Variants in ABCB1 observed in about 807,000 individuals in gnomAD.
The protein encoded by ABCB1 is ATP binding cassette subfamily B member 1.
Under a neutral mutation model 142.0 loss-of-function variants are expected in ABCB1, and 69 were observed. That is an observed-to-expected ratio of 0.49 (90% CI 0.40 to 0.59). ABCB1 has a LOEUF of 0.59. Among genes scored for constraint, ABCB1 ranks in the 20% least tolerant of loss-of-function variants. The pLI is 0.00. For synonymous variants in ABCB1, 532 were observed against 539.2 expected (o/e 0.99, Z 0.18); for missense variants, 1,326 against 1,554.7 (o/e 0.85, Z 2.47).
At chr7:87,672,909 C>T (rs1167528786) in intron 1 of ABCB1, among the ~76,000 whole-genome samples, 2 of 152,104 alleles carry the variant, frequency 1.3e-5, no homozygotes, top group Non-Finnish European at 2.9e-5. Context: ...AATGTGAGTA[C>T]CTGGATGTTT....
At chr7:87,528,390 C>T (rs2373585) in intron 21 of ABCB1, among the ~76,000 whole-genome samples, 14,754 of 151,958 alleles carry the variant, frequency 0.097, 1,227 homozygotes, top group East Asian at 0.38. Context: ...ATATTTTATG[C>T]ATTTATAACA....
At chr7:87,626,241 T>C (rs564660227) in intron 1 of ABCB1, among the ~76,000 whole-genome samples, 3 of 58,500 alleles carry the variant, frequency 5.1e-5, no homozygotes, top group African/African-American at 1.3e-4. Flanking sequence ...ATATGTGTCA[T>C]ATATATGTCA....
Position 87,550,472 on chromosome 7 carries a change from A to T in ABCB1, c.1220T>A (p.Val407Asp), listed in dbSNP as rs777898226. 1 of 1,612,092 alleles carries T rather than the reference A, an allele frequency of 6.2e-7. No individual in the cohort carries two copies. The highest frequency in any genetic ancestry group is 1.3e-5 in the African/African-American group (1 of 74,900). Reference protein sequence around the residue: ...VHFSYPSRKEVKILKGLNLKV... With the variant: ...VHFSYPSRKEDKILKGLNLKV... ...ATTAATCATTTATCACTGTACCTTAACTTCTTTTCGAGATGGGTAACTGAA... is the reference window on the plus strand; with the variant it reads ...ATTAATCATTTATCACTGTACCTTATCTTCTTTTCGAGATGGGTAACTGAA... Residue 407 changes from valine to aspartate, a missense_variant, in exon 11 of 28, where the codon GTT becomes GAT. Coordinates refer to ENST00000622132, the MANE Select transcript of ABCB1 (RefSeq NM_001348946.2).
Position 87,521,887 on chromosome 7 carries a change from G to A in ABCB1, c.2686-1011C>T, listed in dbSNP as rs1055266497. The A allele has an allele frequency of 2.8e-5, 22 of 772,836 alleles. No homozygotes were observed. The African/African-American group carries it at 3.4e-4, about 12-fold the overall frequency. The allele number at this position is 772,836 out of a possible 1,614,324, so 47.9% of individuals were successfully genotyped here. ...TGAAATCATGACTGACCAAGGCAGT[G>A]ATAAGAAAAGGGGCTTTGCTTTAGT... is the stretch of plus-strand genomic sequence containing the variant. On this transcript the variant is annotated intron_variant, in intron 21 of 27. Coordinates refer to ENST00000622132, the MANE Select transcript of ABCB1 (RefSeq NM_001348946.2).
chr7:87,544,090 G>A, intron 17 of ABCB1, 39 bp downstream of exon 17: 2 of 1,610,626 alleles, frequency 1.2e-6, no homozygotes, highest in Non-Finnish European at 8.5e-7. Flanking sequence ...CTTCCATCAG[G>A]ATTCACAAGT....
At chr7:87,609,807 C>G (rs764982170) in intron 1 of ABCB1, among the ~76,000 whole-genome samples, 7 of 151,760 alleles carry the variant, frequency 4.6e-5, no homozygotes, top group Non-Finnish European at 1.0e-4. Flanking sequence ...GTATCAGATA[C>G]CAAAGCTGGC....
chr7:87,704,780 T>C (rs1299824795), intron 1 of ABCB1, among the ~76,000 whole-genome samples: 1 of 152,212 alleles, frequency 6.6e-6, no homozygotes, highest in Non-Finnish European at 1.5e-5. Flanking sequence ...GAAGAGTCTG[T>C]GGAGAAAGAT....
chr7:87,525,220 T>C (rs2117111937), intron 21 of ABCB1, among the ~76,000 whole-genome samples: 1 of 152,286 alleles, frequency 6.6e-6, no homozygotes, highest in East Asian at 1.9e-4. Flanking sequence ...ACAAATAGCA[T>C]CGAGTTTCCC....
upstream of ABCB1, among the ~76,000 whole-genome samples, chr7:87,602,209 G>A (rs1368684500): frequency 1.2e-4 from 18 of 151,274 alleles, no homozygotes; most frequent in Non-Finnish European, 8.8e-5. Context: ...TAGCCAGGAT[G>A]GTCTTGATCT....
At chr7:87,539,640 A>G (rs1421910843) in intron 18 of ABCB1, among the ~76,000 whole-genome samples, 1 of 152,202 alleles carries the variant, frequency 6.6e-6, no homozygotes, top group Non-Finnish European at 1.5e-5. Flanking sequence ...CCTAACCAGA[A>G]TGGGAATCCA....
chr7:87,506,615 T>C (rs1814761329), intron 26 of ABCB1, among the ~76,000 whole-genome samples: 1 of 152,204 alleles, frequency 6.6e-6, no homozygotes, highest in Admixed American at 6.5e-5. Context: ...AACATTTTTG[T>C]TGTTAGAGTG....
chr7:87,583,584 G>A (rs1322892106), intron 4 of ABCB1, among the ~76,000 whole-genome samples: 2 of 152,128 alleles, frequency 1.3e-5, no homozygotes, highest in African/African-American at 4.8e-5. Context: ...CTGTGGTGAT[G>A]TGGCCCCTGT....
chr7:87,661,702 G>C (rs1410181164), intron 1 of ABCB1, among the ~76,000 whole-genome samples: 1 of 151,954 alleles, frequency 6.6e-6, no homozygotes, highest in East Asian at 1.9e-4. Context: ...GAATAGTGCT[G>C]CAATAAACAT....
intron 1 of ABCB1, among the ~76,000 whole-genome samples, chr7:87,645,525 A>T (rs1167238837): frequency 6.6e-6 from 1 of 152,176 alleles, no homozygotes; most frequent in East Asian, 1.9e-4. Flanking sequence ...TTTGATTTTT[A>T]ATTTTTATGT....
intron 25 of ABCB1, among the ~76,000 whole-genome samples, chr7:87,514,433 T>C (rs1366253792): frequency 6.6e-6 from 1 of 151,932 alleles, no homozygotes; most frequent in African/African-American, 2.4e-5. Context: ...ACTTCCCTCA[T>C]CCCCAGCAAC....
chr7:87,688,263 A>G (rs1440802461), intron 1 of ABCB1, among the ~76,000 whole-genome samples: 1 of 152,142 alleles, frequency 6.6e-6, no homozygotes, highest in Non-Finnish European at 1.5e-5. Context: ...TTTAAATTGC[A>G]TATGGAATAA....
chr7:87,693,113 T>A (rs1828164445), intron 1 of ABCB1, among the ~76,000 whole-genome samples: 1 of 152,148 alleles, frequency 6.6e-6, no homozygotes. Context: ...GAAATGTTAT[T>A]TTTTGGGAAT....
At chr7:87,516,700 T>C in intron 23 of ABCB1, 35 bp from the exon 24 acceptor site, 1 of 1,582,362 alleles carries the variant, frequency 6.3e-7, no homozygotes, top group Non-Finnish European at 8.6e-7. Context: ...GTGCACAGCA[T>C]TACCATCACA....
At chr7:87,690,705 G>T (rs937671617) in intron 1 of ABCB1, among the ~76,000 whole-genome samples, 2 of 152,018 alleles carry the variant, frequency 1.3e-5, no homozygotes, top group Non-Finnish European at 2.9e-5. Flanking sequence ...TAAGCAACTC[G>T]CCTTAACAGT....
Sources: gnomAD v4.1 joint callset for allele counts (sites outside exome capture counted in the v4.1 genomes callset) on GRCh38, gnomAD v4.1.1 for gene constraint, MANE v1.5 for transcripts, NCBI Gene and HGNC (gene_info 2026-07-23, HGNC 2026-07-21) for gene names.